Variants in CFAP65 observed in about 807,000 individuals in gnomAD.
The protein encoded by CFAP65 is cilia- and flagella-associated protein 65.
Under a neutral mutation model 208.0 loss-of-function variants are expected in CFAP65, and 155 were observed. The observed-to-expected ratio is 0.75, with a 90% CI of 0.65 to 0.85. The LOEUF is 0.85. CFAP65 is among the 40% of genes least tolerant of loss of function. The pLI, the probability that CFAP65 is intolerant of heterozygous loss-of-function variation, is 0.00. For missense variants in CFAP65, 2,294 were observed against 2,451.3 expected (o/e 0.94, Z 1.36); for synonymous variants, 970 against 986.3 (o/e 0.98, Z 0.31).
At position 219,031,436 on chromosome 2, in the gene CFAP65, A is replaced by T. The variant is rs1559157342; in HGVS notation, c.815+53T>A. ...GTATGCCTGTCTCTCCTGCTTCCAG[A>T]CACCCTCCTCACAGCTCTTGCTCTC... On this transcript the variant is annotated intron_variant, in intron 7 of 34. Transcript: ENST00000341552. The surrounding 1 kb of genome is among the most constrained non-coding windows in gnomAD (Gnocchi z 5.2). 1.2e-6 allele frequency: 2 copies of T among 1,612,906 alleles called. No individual in the cohort carries two copies. Among genetic ancestry groups the T allele is most frequent in the Non-Finnish European group, 8.5e-7 (1 of 1,179,458 alleles).
In CFAP65 at chr2:219,023,224, G is replaced by A. The variant is rs1947387701; in HGVS notation, c.2803C>T (p.Gln935Ter). 1.9e-6 allele frequency: 3 copies of A among 1,611,996 alleles called. No individual in the cohort carries two copies. Among genetic ancestry groups the A allele is most frequent in the Non-Finnish European group, 2.5e-6 (3 of 1,179,782 alleles). Residue 935 changes from glutamine to a stop codon, truncating the protein, a stop_gained, in exon 16 of 35, where the codon CAG (glutamine) becomes TAG (stop). Transcript: ENST00000341552. LOFTEE classifies it high-confidence loss of function. ...LAVQPSRGLI[Q>*]PNERLTLTWT... is the part of the protein sequence containing the mutation. ...CCACTCACAAGTCTCTCGTTGGGCTGGATTAGCCCCCTGGAGGGCTGGACA... is the reference window on the plus strand; with the variant it reads ...CCACTCACAAGTCTCTCGTTGGGCTAGATTAGCCCCCTGGAGGGCTGGACA...
Position 219,006,022 on chromosome 2 carries a change from G to A in CFAP65, c.4921C>T (p.Arg1641Trp), listed in dbSNP as rs192015171. Residue 1641 changes from arginine to tryptophan, a missense_variant and splice_region_variant, in exon 31 of 35, where the codon CGG becomes TGG. By Grantham distance (101) the Arg-to-Trp change is moderately radical. Around this residue, in one of 2 missense-constraint regions of CFAP65, gnomAD observed 1,427 missense variants for 1,438.7 expected, o/e 0.99. Coordinates refer to ENST00000341552, the MANE Select transcript of CFAP65 (RefSeq NM_194302.4). ...ACCCCTGCCTTCCCAAGAGCTTACC[G>A]GTGCAAAAAGTGGCAGGGAAACTCT... Reference protein sequence around the residue: ...FSEFPCHFLHRELPKRKAPRE... With the variant: ...FSEFPCHFLHWELPKRKAPRE... 40 of 1,613,216 alleles carry A rather than the reference G, an allele frequency of 2.5e-5. No homozygotes were observed. In the East Asian group the frequency reaches 5.8e-4, roughly 23 times the overall value.
chr2:219,004,254 T>A lies in CFAP65; in HGVS notation c.5253A>T (p.Pro1751=), dbSNP rs1247805368. The change falls in exon 33 of 35, where the codon CCA becomes CCT. Residue 1751 remains proline, a synonymous_variant. Transcript: ENST00000341552. The surrounding 1 kb of genome is among the most constrained non-coding windows in gnomAD (Gnocchi z 4.7). The part of the protein sequence containing the change: ...GKGKQPKEDR[P]EHYPGLGKKE... ...TCTTTCCCAACCCTGGATAGTGCTC[T>A]GGTCTGTCTTCCTTCGGCTGCTTGC... 18 of 1,614,002 alleles carry A rather than the reference T, an allele frequency of 1.1e-5. No homozygotes were observed. Among genetic ancestry groups the A allele is most frequent in the Non-Finnish European group, 1.5e-5 (18 of 1,180,036 alleles).
chr2:219,023,254 G>A lies in CFAP65; in HGVS notation c.2773C>T (p.Leu925=). The A allele has an allele frequency of 6.2e-7, 1 of 1,613,034 alleles. No homozygotes were observed. The highest frequency in any genetic ancestry group is 8.5e-7 in the Non-Finnish European group (1 of 1,179,940). ...WRVSEQHRKL[L]AVQPSRGLIQ... Reference sequence around the variant, plus strand: ...AGCCCCCTGGAGGGCTGGACAGCCAGCAGCTTTCGATGCTGCTCAGAGACC... The same window carrying A: ...AGCCCCCTGGAGGGCTGGACAGCCAACAGCTTTCGATGCTGCTCAGAGACC... The change falls in exon 16 of 35, where the codon CTG becomes TTG. Residue 925 remains leucine, a synonymous_variant. Coordinates refer to ENST00000341552, the MANE Select transcript of CFAP65 (RefSeq NM_194302.4).
Position 219,029,613 on chromosome 2 carries a change from C to T in CFAP65, c.1440G>A (p.Gly480=). ...YCVNFSWVNL[G]ERSEQPLWIE... Reference sequence around the variant, plus strand: ...TCCACAGGGGCTGCTCGGAGCGCTCCCCAAGGTTGACCCAGCTGAAGTTGA... The same window carrying T: ...TCCACAGGGGCTGCTCGGAGCGCTCTCCAAGGTTGACCCAGCTGAAGTTGA... Residue 480 remains glycine, a synonymous_variant, in exon 11 of 35, where the codon GGG becomes GGA. Coordinates refer to ENST00000341552, the MANE Select transcript of CFAP65 (RefSeq NM_194302.4). 1.9e-6 allele frequency: 3 copies of T among 1,614,070 alleles called. No homozygotes were observed. The highest frequency in any genetic ancestry group is 2.2e-5 in the South Asian group (2 of 91,068).
chr2:219,028,927 G>A (rs554793081), intron 11 of CFAP65, among the ~76,000 whole-genome samples: 2 of 152,352 alleles, frequency 1.3e-5, no homozygotes, highest in Non-Finnish European at 2.9e-5. Context: ...TTTCAGCCCC[G>A]TTTGCCATCT....
rs758587382 is a variant in CFAP65, at chr2:219,035,495, T to C, written c.527A>G (p.Gln176Arg). The change falls in exon 5 of 35, where the codon CAG (glutamine) becomes CGG (arginine). Residue 176 changes from glutamine (Q) to arginine (R), a missense_variant. Coordinates refer to ENST00000341552, the MANE Select transcript of CFAP65 (RefSeq NM_194302.4). ...ATACTGGTACCTGTACTTCATCTTC[T>C]GGAGTTTCAAGGATCGATTTTTCAG... is the stretch of plus-strand genomic sequence containing the variant. ...LVLKNRSLKLQKMKYRPPKTK... is the reference protein window; with the variant it reads ...LVLKNRSLKLRKMKYRPPKTK... 2 of 1,614,110 alleles carry C rather than the reference T, an allele frequency of 1.2e-6. No homozygotes were observed. The highest frequency in any genetic ancestry group is 2.2e-5 in the East Asian group (1 of 44,884).
chr2:219,038,682 T>A (rs553735580), intron 3 of CFAP65, 104 bp from the exon 4 acceptor site: 1 of 1,218,030 alleles, frequency 8.2e-7, no homozygotes, highest in Non-Finnish European at 1.2e-6. Flanking sequence ...GAGGGTCTGC[T>A]TCCCAGCTCT....
At position 219,005,417 on chromosome 2, in the gene CFAP65, A is replaced by G. The variant is rs1329567861; in HGVS notation, c.5051+17T>C. The G allele has an allele frequency of 2.5e-6, 4 of 1,613,604 alleles. No individual in the cohort carries two copies. The Admixed American group carries it at 5.0e-5, about 20-fold the overall frequency. On this transcript the variant is annotated intron_variant, in intron 32 of 34. Transcript: ENST00000341552. Reference sequence around the variant, plus strand: ...GATGCGAAGGTGGCAATGAGGGCCCAGGGTGTGAGCTGGTACCTGATTATT... The same window carrying G: ...GATGCGAAGGTGGCAATGAGGGCCCGGGGTGTGAGCTGGTACCTGATTATT...
At chr2:219,039,149 A>G (rs917823802) in intron 2 of CFAP65, 99 bp from the exon 3 acceptor site, 13 of 1,019,276 alleles carry the variant, frequency 1.3e-5, no homozygotes, top group Non-Finnish European at 1.7e-5. Flanking sequence ...TGTGGCACAT[A>G]TATTTGTATA....
At chr2:219,029,183 G>A (rs949851037) in intron 11 of CFAP65, among the ~76,000 whole-genome samples, 1 of 152,236 alleles carries the variant, frequency 6.6e-6, no homozygotes, top group Non-Finnish European at 1.5e-5. Flanking sequence ...CAAAGCGCCT[G>A]GCCTGGTAGC....
In CFAP65 at chr2:219,013,632, A is replaced by G. The variant is rs116651443; in HGVS notation, c.3780-47T>C. 3,872 of 1,521,762 alleles carry G rather than the reference A, an allele frequency of 2.5e-3. 97 individuals are homozygous for G. The African/African-American group carries it at 0.045, about 18-fold the overall frequency. 94.3% of individuals were successfully genotyped at this position (1,521,762 alleles called of 1,614,324 possible). ...TGGGAGTGAGTTCTGGAGCCCTGGT[A>G]CAAGTAGGAGAGCAAATGGACATGA... On this transcript the variant is annotated intron_variant, in intron 22 of 34. Coordinates refer to ENST00000341552, the MANE Select transcript of CFAP65 (RefSeq NM_194302.4).
At chr2:219,017,624 C>T (rs1042559159) in intron 21 of CFAP65, among the ~76,000 whole-genome samples, 6 of 152,270 alleles carry the variant, frequency 3.9e-5, no homozygotes, top group African/African-American at 9.6e-5. Flanking sequence ...TGGATGGGCC[C>T]GGCTGGCCGG....
Position 219,038,992 on chromosome 2 carries a change from T to C in CFAP65, c.57A>G (p.Pro19=). 4 of 1,613,852 alleles carry C rather than the reference T, an allele frequency of 2.5e-6. No homozygotes were observed. Among genetic ancestry groups the C allele is most frequent in the Non-Finnish European group, 3.4e-6 (4 of 1,179,854 alleles). ...GGAAAGAAGAGGCAAATGAGACTGA[T>C]GGATTCTCCACCTTCTGGGTTTTCT... is the stretch of plus-strand genomic sequence containing the variant. ...LVEKTQKVEN[P]SVSFASSFPL... is the part of the protein sequence containing the mutation. The change falls in exon 3 of 35, where the codon CCA becomes CCG. Residue 19 remains proline (P), a synonymous_variant. Transcript: ENST00000341552.
Position 219,021,134 on chromosome 2 carries a change from G to A in CFAP65, c.3259+18C>T. ...CATTTCCCCGGCCCCGACTCTCTAT[G>A]CCAGGCAGTCTAGGTACCTCTGTGG... is the stretch of plus-strand genomic sequence containing the variant. On this transcript the variant is annotated intron_variant, in intron 19 of 34. Coordinates refer to ENST00000341552, the MANE Select transcript of CFAP65 (RefSeq NM_194302.4). The A allele has an allele frequency of 6.6e-7, 1 of 1,508,176 alleles. No homozygotes were observed. 93.4% of individuals were successfully genotyped at this position (1,508,176 alleles called of 1,614,324 possible). A position where few individuals can be genotyped will look rare whatever the true frequency, so the allele number is the denominator to read the frequency against.
intron 5 of CFAP65, chr2:219,034,995 G>A (rs766193889): frequency 3.0e-4 from 71 of 234,880 alleles, no homozygotes; most frequent in Admixed American, 2.5e-3. Flanking sequence ...CCAAGCCTCC[G>A]CAATTCTACT....
chr2:219,028,611 C>T (rs1029717824), intron 11 of CFAP65, among the ~76,000 whole-genome samples: 12 of 152,072 alleles, frequency 7.9e-5, no homozygotes, highest in Admixed American at 7.2e-4. Context: ...GAGAGCACCC[C>T]GGTCCTTAGG....
chr2:219,017,042 G>A (rs1211932377), intron 21 of CFAP65, among the ~76,000 whole-genome samples: 1 of 152,206 alleles, frequency 6.6e-6, no homozygotes, highest in Non-Finnish European at 1.5e-5. Flanking sequence ...CTTCTGAAAT[G>A]CTGCACACAC....
intron 16 of CFAP65, among the ~76,000 whole-genome samples, chr2:219,022,992 T>C (rs572739458): frequency 6.6e-6 from 1 of 152,250 alleles, no homozygotes; most frequent in Non-Finnish European, 1.5e-5. Context: ...GCCTAACTTA[T>C]GATCTTAGTA....
Sources: gnomAD v4.1 joint callset for allele counts (sites outside exome capture counted in the v4.1 genomes callset) on GRCh38, gnomAD v4.1.1 for gene constraint, gnomAD v4.1.1 regional missense constraint, Gnocchi (gnomAD v3.1) non-coding constraint, MANE v1.5 for transcripts, NCBI Gene and HGNC (gene_info 2026-07-23, HGNC 2026-07-21) for gene names.